The following RASSF3 variants were observed in gnomAD, a reference collection of about 807,000 sequenced individuals.
RASSF3 encodes the protein ras association domain-containing protein 3.
A neutral mutation model predicts 19.9 loss-of-function variants in RASSF3; 19 were observed. That is an observed-to-expected ratio of 0.96 (90% CI 0.67 to 1.40). RASSF3 has a LOEUF of 1.40. Among genes scored for constraint, RASSF3 ranks in the 40% most tolerant of loss-of-function variants. RASSF3 has a pLI of 0.00. For missense variants in RASSF3, 306 were observed against 289.8 expected, an observed-to-expected ratio of 1.06 and a Z score of -0.41; for synonymous variants, 110 against 104.2, an observed-to-expected ratio of 1.06 and a Z score of -0.34.
intron 1 of RASSF3, among the ~76,000 whole-genome samples, chr12:64,675,609 GC>G (rs1872868236): frequency 6.6e-6 from 1 of 151,986 alleles, no homozygotes; most frequent in Non-Finnish European, 1.5e-5. Flanking sequence ...GGAAAGCATG[GC>G]CCCCCGCTGT....
chr12:64,621,809 G>A (rs1001464412), intron 1 of RASSF3, among the ~76,000 whole-genome samples: 5 of 152,068 alleles, frequency 3.3e-5, no homozygotes, highest in African/African-American at 1.2e-4. Context: ...GTTTCAGGCT[G>A]ACATCACTGA....
intron 1 of RASSF3, among the ~76,000 whole-genome samples, chr12:64,538,651 A>AC (rs547626943): frequency 5.1e-4 from 63 of 124,460 alleles, no homozygotes; most frequent in South Asian, 2.8e-3. Context: ...GAAAACACAC[A>AC]AAAAAAAACA....
chr12:64,641,506 C>T (rs1182360658), intron 1 of RASSF3, among the ~76,000 whole-genome samples: 2 of 149,864 alleles, frequency 1.3e-5, no homozygotes, highest in African/African-American at 4.9e-5. Flanking sequence ...GAGAAAGTAA[C>T]TGACTCCAGC....
Position 64,697,258 on chromosome 12 carries a change from T to A in RASSF3, c.*2346T>A, listed in dbSNP as rs1868395319. The A allele has an allele frequency of 6.6e-6, 1 of 152,146 alleles. No individual in the cohort carries two copies. Among genetic ancestry groups the A allele is most frequent in the African/African-American group, 2.4e-5 (1 of 41,438 alleles). The allele number at this position is 152,146 out of a possible 1,614,324, so 9.4% of individuals were successfully genotyped here. A position where few individuals can be genotyped will look rare whatever the true frequency, so the allele number is the denominator to read the frequency against. On this transcript the variant is annotated 3_prime_UTR_variant, in exon 5 of 5. Transcript: ENST00000542104. ...ACACTGGTTACTGCAGCAGCATTTT[T>A]AATGTGTAAGTGAAGAAAAAAGGCC...
intron 2 of RASSF3, among the ~76,000 whole-genome samples, chr12:64,596,739 A>T (rs11830408): frequency 0.033 from 4,988 of 151,944 alleles, 164 homozygotes; most frequent in African/African-American, 0.085. Flanking sequence ...ATATATATAT[A>T]TTTTTTTGAG....
chr12:64,671,862 A>G (rs2136207401), intron 1 of RASSF3, among the ~76,000 whole-genome samples: 1 of 152,312 alleles, frequency 6.6e-6, no homozygotes, highest in East Asian at 1.9e-4. Context: ...ATACTTGTAC[A>G]CTTGGGATTT....
intron 2 of RASSF3, among the ~76,000 whole-genome samples, chr12:64,592,695 G>T (rs910952036): frequency 1.3e-5 from 2 of 152,016 alleles, no homozygotes; most frequent in Non-Finnish European, 2.9e-5. Flanking sequence ...GATGTACAGT[G>T]GTACAATCAT....
At chr12:64,555,929 T>C (rs753749075) in intron 2 of RASSF3, among the ~76,000 whole-genome samples, 13 of 152,022 alleles carry the variant, frequency 8.6e-5, no homozygotes, top group Non-Finnish European at 1.8e-4. Flanking sequence ...AATAGATTAA[T>C]GAGGCTTCAG....
At chr12:64,614,299 A>T (rs947362509) in intron 1 of RASSF3, among the ~76,000 whole-genome samples, 6 of 151,922 alleles carry the variant, frequency 3.9e-5, no homozygotes, top group African/African-American at 1.5e-4. Flanking sequence ...ATATCCAGCT[A>T]AATTTTGTAG....
chr12:64,582,490 G>A (rs1339495923), intron 2 of RASSF3, among the ~76,000 whole-genome samples: 1 of 152,152 alleles, frequency 6.6e-6, no homozygotes, highest in Non-Finnish European at 1.5e-5. Context: ...AGAGCCTGAA[G>A]GACACTTTAG....
Position 64,694,854 on chromosome 12 carries a change from A to G in RASSF3, c.659A>G (p.Tyr220Cys). Residue 220 changes from tyrosine (Y) to cysteine (C), a missense_variant, in exon 5 of 5, where the codon TAC becomes TGC. Tyr to Cys is a radical substitution (Grantham distance 194). Coordinates refer to ENST00000542104, the MANE Select transcript of RASSF3 (RefSeq NM_178169.4). ...CAGCTGCAGAACCTGAAGAGGCGCT[A>G]CACAGCCTACAGGCAGAAGCTGGAA... Reference protein sequence around the residue: ...DEQLQNLKRRYTAYRQKLEEA... With the variant: ...DEQLQNLKRRCTAYRQKLEEA... 2 of 1,614,246 alleles carry G rather than the reference A, an allele frequency of 1.2e-6. No individual in the cohort carries two copies. The highest frequency in any genetic ancestry group is 1.7e-6 in the Non-Finnish European group (2 of 1,180,030).
upstream of RASSF3, among the ~76,000 whole-genome samples, chr12:64,609,752 T>A (rs1203231673): frequency 6.6e-6 from 1 of 152,168 alleles, no homozygotes; most frequent in African/African-American, 2.4e-5. Context: ...CAAAGCACAT[T>A]TAATTGATAA....
In RASSF3 at chr12:64,559,986, G is replaced by C. The variant is rs1869321526; in HGVS notation, c.294+18281G>C. Among the ~76,000 whole-genome samples the C allele has an allele frequency of 2.0e-5, 3 of 152,344 alleles. 1 individual carries two copies. In the South Asian group the frequency reaches 6.2e-4, roughly 32 times the overall value. ...GAGGAATTGGGGGCAGCTCCTGAGA[G>C]GGCAACCTGTTGCCTTGCTGGAGAG... On this transcript the variant is annotated intron_variant, in intron 2 of 5. Transcript: ENST00000637125.
intron 1 of RASSF3, among the ~76,000 whole-genome samples, chr12:64,672,517 C>T (rs1179173439): frequency 6.6e-6 from 1 of 152,066 alleles, no homozygotes; most frequent in South Asian, 2.1e-4. Flanking sequence ...TGAGCTATCG[C>T]ACCCAGCCTA....
intron 1 of RASSF3, among the ~76,000 whole-genome samples, chr12:64,647,610 A>G (rs1592442533): frequency 6.6e-6 from 1 of 152,042 alleles, no homozygotes; most frequent in East Asian, 1.9e-4. Context: ...ACGGGGTTTC[A>G]CCATGTTGGC....
chr12:64,638,081 C>T (rs982147135), intron 1 of RASSF3, among the ~76,000 whole-genome samples: 6 of 152,120 alleles, frequency 3.9e-5, no homozygotes, highest in Non-Finnish European at 7.4e-5. Context: ...CTGCCCACCT[C>T]AGCTGCCCAA....
chr12:64,541,015 A>G (rs1868925058), intron 1 of RASSF3, among the ~76,000 whole-genome samples: 1 of 145,188 alleles, frequency 6.9e-6, no homozygotes, highest in African/African-American at 2.6e-5. Flanking sequence ...AAGTAAGGCC[A>G]GTGTGGTGGC....
chr12:64,579,371 G>A (rs547063637), intron 2 of RASSF3, among the ~76,000 whole-genome samples: 5 of 125,028 alleles, frequency 4.0e-5, no homozygotes, highest in South Asian at 5.0e-4. Flanking sequence ...TTTTTGAGAC[G>A]GAGTCTCTCT....
At chr12:64,668,542 G>T (rs1872597450) in intron 1 of RASSF3, among the ~76,000 whole-genome samples, 1 of 151,986 alleles carries the variant, frequency 6.6e-6, no homozygotes, top group Admixed American at 6.6e-5. Flanking sequence ...GAAAATGCTG[G>T]GATTACAGGT....
Sources: allele counts gnomAD v4.1 joint callset (sites outside exome capture counted in the v4.1 genomes callset), GRCh38; gene constraint gnomAD v4.1.1; transcripts MANE v1.5; gene names NCBI Gene and HGNC (gene_info 2026-07-23, HGNC 2026-07-21).